The following AMMECR1 variants were observed in gnomAD, a reference collection of about 807,000 sequenced individuals.
AMMECR1 encodes AMMECR nuclear protein 1, also known as nuclear protein AMMECR1.
A neutral mutation model predicts 22.5 loss-of-function variants in AMMECR1; 3 were observed. The ratio of observed to expected loss-of-function variants is 0.13; its 90% confidence interval spans 0.06 to 0.35. AMMECR1 has a LOEUF of 0.35. Among genes scored for constraint, AMMECR1 ranks in the 10% least tolerant of loss-of-function variants. The pLI, the probability that AMMECR1 is intolerant of heterozygous loss-of-function variation, is 1.00. For missense variants in AMMECR1, 235 were observed against 278.7 expected, an observed-to-expected ratio of 0.84 and a Z score of 1.12; for synonymous variants, 130 against 116.7, an observed-to-expected ratio of 1.11 and a Z score of -0.74.
intron 2 of AMMECR1, among the ~76,000 whole-genome samples, chrX:110,425,981 C>T (rs1437569803): frequency 4.9e-5 from 5 of 102,872 alleles, no homozygotes; most frequent in Admixed American, 2.0e-4. Context: ...TGCGTGCGCG[C>T]ACACACACAC....
chrX:110,422,241 C>G (rs1013826052), intron 2 of AMMECR1, among the ~76,000 whole-genome samples: 28 of 112,729 alleles, frequency 2.5e-4, no homozygotes, highest in African/African-American at 9.0e-4. Flanking sequence ...CTGTTCCCTC[C>G]CCTGACTGGC....
Position 110,195,187 on chromosome X carries a change from C to T in AMMECR1, c.*3333G>A, listed in dbSNP as rs746081113. On this transcript the variant is annotated 3_prime_UTR_variant, in exon 6 of 6. Transcript: ENST00000262844. ...ACAAGATAAGAGGCCAGTATACAAA[C>T]TTCCGGTGTGCTGGGCACTGGGACT... 8.9e-6 allele frequency: 1 copy of T among 112,056 alleles called. No homozygotes were observed. The highest frequency in any genetic ancestry group is 2.8e-4 in the East Asian group (1 of 3,565). The allele number at this position is 112,056 out of a possible 1,213,427, so 9.2% of individuals were successfully genotyped here. A position where few individuals can be genotyped will look rare whatever the true frequency, so the allele number is the denominator to read the frequency against.
chrX:110,376,349 A>G lies in AMMECR1; in HGVS notation c.-148+50309T>C, dbSNP rs755172012. On this transcript the variant is annotated intron_variant, in intron 2 of 7. Coordinates refer to the AMMECR1 transcript ENST00000372057. ...TGGTCTTGGCTGGTAGTTTGCAAGC[A>G]GAAGTTAGCCTGCCTCCAGACAGGG... Among the ~76,000 whole-genome samples, 4 of 111,091 alleles carry G rather than the reference A, an allele frequency of 3.6e-5. No individual in the cohort carries two copies. In the South Asian group the frequency reaches 1.6e-3, roughly 43 times the overall value.
intron 1 of AMMECR1, among the ~76,000 whole-genome samples, chrX:110,278,760 G>A (rs1230234912): frequency 8.9e-6 from 1 of 111,892 alleles, no homozygotes; most frequent in African/African-American, 3.2e-5. Flanking sequence ...TCAGCCAAAG[G>A]TGGTGTATAT....
intron 2 of AMMECR1, among the ~76,000 whole-genome samples, chrX:110,344,662 AC>A (rs773238707): frequency 1.6e-4 from 18 of 111,178 alleles, no homozygotes; most frequent in Non-Finnish European, 3.2e-4. Context: ...AAAACAAACA[AC>A]CCCATCAAAA....
chrX:110,369,868 C>T (rs2068325264), intron 2 of AMMECR1, among the ~76,000 whole-genome samples: 1 of 111,556 alleles, frequency 9.0e-6, no homozygotes, highest in African/African-American at 3.3e-5. Context: ...GATTCTTAGT[C>T]TGGAGTCCAT....
intron 2 of AMMECR1, among the ~76,000 whole-genome samples, chrX:110,398,722 C>G (rs1045895594): frequency 8.9e-6 from 1 of 111,977 alleles, no homozygotes; most frequent in Admixed American, 9.5e-5. Context: ...ACTCTCTGAA[C>G]CTTGAACCCT....
chrX:110,214,645 C>G (rs762565276), intron 3 of AMMECR1, among the ~76,000 whole-genome samples: 1 of 111,898 alleles, frequency 8.9e-6, no homozygotes, highest in Admixed American at 9.5e-5. Flanking sequence ...GTATTCTCCC[C>G]TTTTTCCTTC....
At chrX:110,406,718 C>A (rs557897806) in intron 2 of AMMECR1, among the ~76,000 whole-genome samples, 2 of 112,269 alleles carry the variant, frequency 1.8e-5, no homozygotes, top group Non-Finnish European at 3.8e-5. Flanking sequence ...TACACACCCA[C>A]CAACAGTGTA....
intron 2 of AMMECR1, among the ~76,000 whole-genome samples, chrX:110,356,234 C>A (rs1207824381): frequency 9.5e-6 from 1 of 104,829 alleles, no homozygotes; most frequent in Non-Finnish European, 1.9e-5. Context: ...CTCACTGCAA[C>A]CTTCACCTCC....
At chrX:110,425,253 A>C (rs777444281) in intron 2 of AMMECR1, among the ~76,000 whole-genome samples, 1 of 112,875 alleles carries the variant, frequency 8.9e-6, no homozygotes, top group East Asian at 2.8e-4. Context: ...ATAGAAAGGC[A>C]ACCAAGGGAG....
In AMMECR1 at chrX:110,317,899, C is replaced by T; in HGVS notation, c.173G>A (p.Gly58Asp). ...GCTGCCGCTACCTCCTCCGGTTAGACCTCCCAGCCCGTTGAGCCGCGTACC... is the reference window on the plus strand; with the variant it reads ...GCTGCCGCTACCTCCTCCGGTTAGATCTCCCAGCCCGTTGAGCCGCGTACC... ...GAGTRLNGLG[G>D]LTGGGSGSGC... The change falls in exon 1 of 6, where the codon GGT becomes GAT. Residue 58 changes from glycine (G) to aspartate (D), a missense_variant. By Grantham distance (94) the Gly-to-Asp change is moderately conservative. Coordinates refer to ENST00000262844, the MANE Select transcript of AMMECR1 (RefSeq NM_015365.3). The T allele has an allele frequency of 8.4e-7, 1 of 1,194,910 alleles. No individual in the cohort carries two copies. The highest frequency in any genetic ancestry group is 1.1e-6 in the Non-Finnish European group (1 of 887,251).
chrX:110,246,279 CAAGT>C (rs199838776), intron 2 of AMMECR1, among the ~76,000 whole-genome samples: 4,032 of 112,020 alleles, frequency 0.036, 203 homozygotes, highest in African/African-American at 0.12. Context: ...AGTTATAAAA[CAAGT>C]GAGTAAAAAT....
intron 2 of AMMECR1, among the ~76,000 whole-genome samples, chrX:110,229,869 G>A (rs751028311): frequency 3.6e-5 from 4 of 112,516 alleles, no homozygotes; most frequent in Non-Finnish European, 7.5e-5. Flanking sequence ...TGCCTGGCTC[G>A]GCAGCTCCCA....
intron 2 of AMMECR1, among the ~76,000 whole-genome samples, chrX:110,367,738 A>C (rs1336707707): frequency 9.0e-6 from 1 of 110,809 alleles, no homozygotes; most frequent in Non-Finnish European, 1.9e-5. Context: ...AAAGCCTTGG[A>C]GTCTGACTTG....
chrX:110,255,779 T>C (rs1242766971), intron 2 of AMMECR1, among the ~76,000 whole-genome samples: 2 of 112,156 alleles, frequency 1.8e-5, no homozygotes, highest in Non-Finnish European at 3.8e-5. Context: ...GACAATAACA[T>C]GCTAATCTAA....
At chrX:110,323,816 C>T (rs760453541) in intron 2 of AMMECR1, among the ~76,000 whole-genome samples, 13 of 111,809 alleles carry the variant, frequency 1.2e-4, no homozygotes, top group Non-Finnish European at 2.4e-4. Context: ...TATTATAACT[C>T]TGTACTTAAC....
intron 2 of AMMECR1, among the ~76,000 whole-genome samples, chrX:110,344,704 CAA>C (rs2068180953): frequency 9.0e-6 from 1 of 111,501 alleles, no homozygotes; most frequent in Non-Finnish European, 1.9e-5. Flanking sequence ...AGACACTTCT[CAA>C]AAGAAGACAT....
chrX:110,345,559 T>C (rs1321631815), intron 2 of AMMECR1, among the ~76,000 whole-genome samples: 1 of 108,815 alleles, frequency 9.2e-6, no homozygotes, highest in East Asian at 2.8e-4. Flanking sequence ...TGAGGACACA[T>C]GGGAACAACA....
Sources: gnomAD v4.1 joint callset for allele counts (sites outside exome capture counted in the v4.1 genomes callset) on GRCh38, gnomAD v4.1.1 for gene constraint, MANE v1.5 for transcripts, NCBI Gene and HGNC (gene_info 2026-07-23, HGNC 2026-07-21) for gene names.